Variants in LMX1A observed in about 807,000 individuals in gnomAD.
The protein encoded by LMX1A is LIM homeobox transcription factor 1-alpha.
Under a neutral mutation model 49.1 loss-of-function variants are expected in LMX1A, and 15 were observed. The observed-to-expected ratio is 0.31, with a 90% CI of 0.20 to 0.47. The LOEUF (loss-of-function observed/expected upper bound fraction) is 0.47. Among genes scored for constraint, LMX1A ranks in the 20% least tolerant of loss-of-function variants. The pLI, the probability that LMX1A is intolerant of heterozygous loss-of-function variation, is 1.00. For synonymous variants in LMX1A, 167 were observed against 185.7 expected (o/e 0.90, Z 0.82); for missense variants, 372 against 475.8 (o/e 0.78, Z 2.03).
At chr1:165,294,858 G>A (rs1296100866) in intron 3 of LMX1A, among the ~76,000 whole-genome samples, 1 of 152,114 alleles carries the variant, frequency 6.6e-6, no homozygotes, top group African/African-American at 2.4e-5. Flanking sequence ...CAGCTACATG[G>A]GAGGCTGAGG....
intron 4 of LMX1A, 94 bp from the exon 5 acceptor site, chr1:165,213,907 C>T: frequency 1.8e-6 from 2 of 1,107,464 alleles, no homozygotes; most frequent in Non-Finnish European, 2.6e-6. Context: ...TCCACATTTC[C>T]AGGATGGCTT....
chr1:165,220,138 G>A (rs769388352), intron 4 of LMX1A, among the ~76,000 whole-genome samples: 2 of 152,278 alleles, frequency 1.3e-5, no homozygotes, highest in African/African-American at 2.4e-5. Context: ...GCACTGTTCC[G>A]AGTACTGTGA....
At chr1:165,285,950 C>T (rs550223201) in intron 3 of LMX1A, among the ~76,000 whole-genome samples, 6 of 152,092 alleles carry the variant, frequency 3.9e-5, no homozygotes, top group Non-Finnish European at 8.8e-5. Context: ...TATAGCTCCT[C>T]ATTTTGGCCA....
At position 165,355,647 on chromosome 1, in the gene LMX1A, C is replaced by G. The variant is rs1464699141; in HGVS notation, c.-22-66G>C. 6 of 1,242,208 alleles carry G rather than the reference C, an allele frequency of 4.8e-6. No individual in the cohort carries two copies. Among genetic ancestry groups the G allele is most frequent in the Non-Finnish European group, 7.0e-6 (6 of 862,842 alleles). The allele number at this position is 1,242,208 out of a possible 1,614,324, so 76.9% of individuals were successfully genotyped here. A position where few individuals can be genotyped will look rare whatever the true frequency, so the allele number is the denominator to read the frequency against. On this transcript the variant is annotated intron_variant, in intron 1 of 8. Transcript: ENST00000342310. The surrounding 1 kb of genome is among the most constrained non-coding windows in gnomAD (Gnocchi z 4.7). ...GCTGGGACTCGGCGCCAGCAGCCAC[C>G]GCACTCCTGGGAAAGAACTGAGGGA...
chr1:165,350,130 T>C (rs1656377850), intron 3 of LMX1A, among the ~76,000 whole-genome samples: 1 of 142,276 alleles, frequency 7.0e-6, no homozygotes, highest in South Asian at 2.3e-4. Flanking sequence ...CTCATTTTCT[T>C]CCCATTTACT....
At chr1:165,353,368 G>A in intron 2 of LMX1A, 106 bp from the exon 3 acceptor site, 1 of 880,776 alleles carries the variant, frequency 1.1e-6, no homozygotes, top group Non-Finnish European at 1.7e-6. Flanking sequence ...GATTCCCCCA[G>A]CGCCCCCCAC....
At chr1:165,215,371 C>T (rs1284979309) in intron 4 of LMX1A, among the ~76,000 whole-genome samples, 2 of 152,164 alleles carry the variant, frequency 1.3e-5, no homozygotes, top group Non-Finnish European at 2.9e-5. Context: ...AATGATCTAA[C>T]AAGAACCTCA....
chr1:165,264,580 G>T (rs139159358), intron 3 of LMX1A, among the ~76,000 whole-genome samples: 1 of 152,318 alleles, frequency 6.6e-6, no homozygotes, highest in Non-Finnish European at 1.5e-5. Context: ...CTTCAAGACA[G>T]CACGACCTTT....
Position 165,210,678 on chromosome 1 carries a change from T to TAAA in LMX1A, c.747+18_747+20dup, listed in dbSNP as rs535958123. The TAAA allele has an allele frequency of 1.8e-4, 291 of 1,591,176 alleles. 3 individuals carry two copies. The African/African-American group carries it at 3.4e-3, about 19-fold the overall frequency. On this transcript the variant is annotated intron_variant, in intron 6 of 8. Transcript: ENST00000342310. ...AGGAAACCAGCAACATGGGGACAGA[T>TAAA]AAAAGTAAGAAGCAGGTTACCTTCG...
At chr1:165,275,746 T>C (rs1213557960) in intron 3 of LMX1A, among the ~76,000 whole-genome samples, 1 of 151,762 alleles carries the variant, frequency 6.6e-6, no homozygotes, top group Admixed American at 6.6e-5. Flanking sequence ...GAGAAAAAAG[T>C]ATAGGGATGA....
Position 165,249,589 on chromosome 1 carries a change from C to T in LMX1A, c.315G>A (p.Glu105=), listed in dbSNP as rs1202492819. The T allele has an allele frequency of 1.2e-6, 2 of 1,614,222 alleles. No homozygotes were observed. Residue 105 remains glutamate (E), a synonymous_variant, in exon 4 of 9, where the codon GAG becomes GAA. Coordinates refer to ENST00000342310, the MANE Select transcript of LMX1A (RefSeq NM_177398.4). The part of the protein sequence containing the change: ...GGCFEAIAPN[E]FVMRAQKSVY... Reference sequence around the variant, plus strand: ...CACTCTTCTGGGCCCGCATAACAAACTCATTGGGAGCGATGGCCTCGAAGC... The same window carrying T: ...CACTCTTCTGGGCCCGCATAACAAATTCATTGGGAGCGATGGCCTCGAAGC...
chr1:165,313,368 C>A (rs550209085), intron 3 of LMX1A, among the ~76,000 whole-genome samples: 51 of 152,168 alleles, frequency 3.4e-4, no homozygotes, highest in African/African-American at 1.2e-3. Context: ...CCACTCCTTA[C>A]CTGATATTTC....
chr1:165,311,674 TA>T (rs1410898227), intron 3 of LMX1A, among the ~76,000 whole-genome samples: 3 of 152,250 alleles, frequency 2.0e-5, no homozygotes, highest in Non-Finnish European at 4.4e-5. Context: ...AGGCAACCTC[TA>T]AACTGTAGCC....
intron 4 of LMX1A, among the ~76,000 whole-genome samples, chr1:165,236,672 G>A (rs913846078): frequency 6.6e-6 from 1 of 151,736 alleles, no homozygotes; most frequent in African/African-American, 2.4e-5. Context: ...TCTGCAACTG[G>A]AAGAATGGCT....
intron 3 of LMX1A, among the ~76,000 whole-genome samples, chr1:165,287,745 G>A (rs1164577454): frequency 1.3e-5 from 2 of 152,182 alleles, no homozygotes; most frequent in East Asian, 3.9e-4. Flanking sequence ...CATGTTCCAA[G>A]ATGGCTCTTG....
At chr1:165,340,473 C>T (rs1656040694) in intron 3 of LMX1A, among the ~76,000 whole-genome samples, 1 of 152,174 alleles carries the variant, frequency 6.6e-6, no homozygotes, top group South Asian at 2.1e-4. Context: ...TTCCAGAACT[C>T]CACTCACTCT....
chr1:165,254,727 C>T (rs913298719), intron 3 of LMX1A, among the ~76,000 whole-genome samples: 3 of 152,186 alleles, frequency 2.0e-5, no homozygotes, highest in Admixed American at 2.0e-4. Context: ...TGGATGGCAT[C>T]CCCCATGGTT....
rs1196415089 is a variant in LMX1A, at chr1:165,355,074, G to A, written c.76+410C>T. Among the ~76,000 whole-genome samples, 2 of 152,174 alleles carry A rather than the reference G, an allele frequency of 1.3e-5. No individual in the cohort carries two copies. Among genetic ancestry groups the A allele is most frequent in the African/African-American group, 4.8e-5 (2 of 41,450 alleles). On this transcript the variant is annotated intron_variant, in intron 2 of 8. Coordinates refer to ENST00000342310, the MANE Select transcript of LMX1A (RefSeq NM_177398.4). The surrounding 1 kb of genome is among the most constrained non-coding windows in gnomAD (Gnocchi z 4.7). ...TTGGGGCTGGAGTTGGTGGGGGAGA[G>A]AAGCCTCCTCGAACTTGGGCGCTCC...
At chr1:165,215,923 G>T (rs1376803090) in intron 4 of LMX1A, 1 of 152,174 alleles carries the variant, frequency 6.6e-6, no homozygotes, top group African/African-American at 2.4e-5. Flanking sequence ...AAGTAGAGTT[G>T]TTGTGTGTAA....
Sources: allele counts gnomAD v4.1 joint callset (sites outside exome capture counted in the v4.1 genomes callset), GRCh38; gene constraint gnomAD v4.1.1; non-coding constraint Gnocchi (gnomAD v3.1); transcripts MANE v1.5; gene names NCBI Gene and HGNC (gene_info 2026-07-23, HGNC 2026-07-21).